The following SAMD12 variants were observed in gnomAD, a reference collection of about 807,000 sequenced individuals.
The protein encoded by SAMD12 is sterile alpha motif domain containing 12.
In SAMD12, 9 loss-of-function variants were observed where a neutral mutation model predicts 15.0. That is an observed-to-expected ratio of 0.60 (90% CI 0.36 to 1.05). The LOEUF (loss-of-function observed/expected upper bound fraction) is 1.05. Among genes scored for constraint, SAMD12 ranks in the 50% least tolerant of loss-of-function variants. The pLI, the probability that SAMD12 is intolerant of heterozygous loss-of-function variation, is 0.01. For missense variants in SAMD12, 230 were observed against 234.2 expected (o/e 0.98, Z 0.12); for synonymous variants, 86 against 90.1 (o/e 0.96, Z 0.25).
the SAMD12 span, among the ~76,000 whole-genome samples, chr8:118,140,532 A>G: frequency 6.6e-6 from 1 of 152,144 alleles, no homozygotes; most frequent in Non-Finnish European, 1.5e-5. Flanking sequence ...TCAGTCTCCC[A>G]AAGTGCTGAG....
chr8:118,379,177 G>A lies in SAMD12; in HGVS notation c.*240C>T. On this transcript the variant is annotated 3_prime_UTR_variant, in exon 4 of 4. Coordinates refer to ENST00000314727, the MANE Select transcript of SAMD12 (RefSeq NM_207506.3). ...AAGCGCCCTCACAATTGGCGCAGGT[G>A]AAGATAGCTACAGCTGGACTGTACA... is the stretch of plus-strand genomic sequence containing the variant. 1.6e-6 allele frequency: 2 copies of A among 1,244,536 alleles called. No homozygotes were observed. The highest frequency in any genetic ancestry group is 2.0e-6 in the Non-Finnish European group (2 of 990,436). The allele number at this position is 1,244,536 out of a possible 1,614,324, so 77.1% of individuals were successfully genotyped here. A position where few individuals can be genotyped will look rare whatever the true frequency, so the allele number is the denominator to read the frequency against.
chr8:118,478,937 T>C (rs1365081171), intron 2 of SAMD12, among the ~76,000 whole-genome samples: 3 of 152,226 alleles, frequency 2.0e-5, no homozygotes, highest in Non-Finnish European at 2.9e-5. Context: ...AAAATTTCTA[T>C]TCCATACCTG....
intron 3 of SAMD12, among the ~76,000 whole-genome samples, chr8:118,433,841 C>T (rs1822494260): frequency 6.6e-6 from 1 of 152,170 alleles, no homozygotes; most frequent in Non-Finnish European, 1.5e-5. Flanking sequence ...GTGTAGCTGA[C>T]ACACTGGATA....
At chr8:118,503,065 A>AT (rs1238975096) in intron 2 of SAMD12, among the ~76,000 whole-genome samples, 2 of 152,212 alleles carry the variant, frequency 1.3e-5, no homozygotes, top group Non-Finnish European at 2.9e-5. Flanking sequence ...CAAGGTAACC[A>AT]TTTTTTATGT....
intron 4 of SAMD12, among the ~76,000 whole-genome samples, chr8:118,280,988 C>T (rs569177550): frequency 2.6e-5 from 4 of 152,238 alleles, no homozygotes; most frequent in African/African-American, 7.2e-5. Context: ...TCATAGTCTT[C>T]GTAGAATCTT....
At chr8:118,508,004 T>TC (rs1007045582) in intron 2 of SAMD12, among the ~76,000 whole-genome samples, 4 of 148,682 alleles carry the variant, frequency 2.7e-5, no homozygotes, top group African/African-American at 9.9e-5. Flanking sequence ...TTTTTTTTTT[T>TC]TTTTTTTGAG....
intron 2 of SAMD12, among the ~76,000 whole-genome samples, chr8:118,466,295 GC>G (rs1823592287): frequency 6.6e-6 from 1 of 152,164 alleles, no homozygotes; most frequent in African/African-American, 2.4e-5. Context: ...AAGCCATGTG[GC>G]CACAGCTAAC....
Position 118,440,319 on chromosome 8 carries a change from C to T in SAMD12, c.193-358G>A, listed in dbSNP as rs76669222. 6.5e-3 allele frequency among the ~76,000 whole-genome samples: 986 copies of T among 152,208 alleles called. 5 individuals carry two copies. Among genetic ancestry groups the T allele is most frequent in the Non-Finnish European group, 9.8e-3 (669 of 67,996 alleles). On this transcript the variant is annotated intron_variant, in intron 2 of 3. Coordinates refer to ENST00000314727, the MANE Select transcript of SAMD12 (RefSeq NM_207506.3). ...GGCCCCAAGTGCCTTTCTCTGTATT[C>T]CAAGAAAGTATTTATCTCTCGCTGT...
chr8:118,541,673 G>A (rs1825992290), intron 2 of SAMD12, among the ~76,000 whole-genome samples: 1 of 152,084 alleles, frequency 6.6e-6, no homozygotes, highest in Non-Finnish European at 1.5e-5. Context: ...TAATTAGATT[G>A]TAAATTCCTT....
chr8:118,219,983 C>T (rs1433327325), intron 4 of SAMD12, among the ~76,000 whole-genome samples: 1 of 152,172 alleles, frequency 6.6e-6, no homozygotes, highest in Non-Finnish European at 1.5e-5. Context: ...AGAATTTATC[C>T]CTGAGTTTCC....
chr8:118,477,076 T>C (rs372213643), intron 2 of SAMD12, among the ~76,000 whole-genome samples: 15,822 of 151,826 alleles, frequency 0.1, 880 homozygotes, highest in Non-Finnish European at 0.12. Flanking sequence ...TTTTCTTTTT[T>C]TTTTTTTGAG....
the SAMD12 span, among the ~76,000 whole-genome samples, chr8:118,178,450 T>A: frequency 6.6e-6 from 1 of 152,152 alleles, no homozygotes; most frequent in Non-Finnish European, 1.5e-5. Flanking sequence ...TTTCAAACAC[T>A]AGGTTTTTTT....
At chr8:118,240,361 A>G (rs1812537041) in intron 4 of SAMD12, among the ~76,000 whole-genome samples, 1 of 152,198 alleles carries the variant, frequency 6.6e-6, no homozygotes, top group Non-Finnish European at 1.5e-5. Flanking sequence ...TTAAGTGGCT[A>G]AATTTTTGAA....
intron 3 of SAMD12, among the ~76,000 whole-genome samples, chr8:118,396,709 G>A (rs920119568): frequency 2.0e-5 from 3 of 152,174 alleles, no homozygotes; most frequent in South Asian, 2.1e-4. Flanking sequence ...GGAAGGCTGC[G>A]CCTGTTTAGT....
At chr8:118,527,495 T>C (rs1825564462) in intron 2 of SAMD12, among the ~76,000 whole-genome samples, 1 of 152,236 alleles carries the variant, frequency 6.6e-6, no homozygotes, top group Non-Finnish European at 1.5e-5. Context: ...CATACAATTT[T>C]ATAATCAGCA....
intron 4 of SAMD12, among the ~76,000 whole-genome samples, chr8:118,260,540 G>A (rs1441463971): frequency 6.6e-6 from 1 of 152,054 alleles, no homozygotes; most frequent in Non-Finnish European, 1.5e-5. Context: ...GCTCTTTCCA[G>A]TTCCCTTCTC....
intron 2 of SAMD12, among the ~76,000 whole-genome samples, chr8:118,446,968 C>A (rs1394345458): frequency 1.3e-5 from 2 of 152,156 alleles, no homozygotes; most frequent in Non-Finnish European, 2.9e-5. Context: ...TCAAACTCAA[C>A]ATGTCCAAAA....
chr8:118,239,242 T>G (rs1432550075), intron 4 of SAMD12, among the ~76,000 whole-genome samples: 1 of 152,166 alleles, frequency 6.6e-6, no homozygotes, highest in Non-Finnish European at 1.5e-5. Flanking sequence ...TATTCATACA[T>G]GTAATATTTG....
intron 4 of SAMD12, among the ~76,000 whole-genome samples, chr8:118,326,431 A>G (rs1159917520): frequency 1.3e-5 from 2 of 152,186 alleles, no homozygotes; most frequent in African/African-American, 4.8e-5. Context: ...GGGTTATACT[A>G]TATGTCTGCT....
Sources: allele counts gnomAD v4.1 joint callset (sites outside exome capture counted in the v4.1 genomes callset), GRCh38; gene constraint gnomAD v4.1.1; transcripts MANE v1.5; gene names NCBI Gene and HGNC (gene_info 2026-07-23, HGNC 2026-07-21).